The following MYLK variants were observed in gnomAD, a reference collection of about 807,000 sequenced individuals.
MYLK encodes myosin light chain kinase, smooth muscle.
A neutral mutation model predicts 203.4 loss-of-function variants in MYLK; 106 were observed. The observed-to-expected ratio is 0.52, with a 90% CI of 0.45 to 0.61. The LOEUF (loss-of-function observed/expected upper bound fraction) is 0.61, where lower values mean the gene tolerates loss of function less well. MYLK is among the 20% of genes least tolerant of loss of function. MYLK has a pLI of 0.00. For synonymous variants in MYLK, 867 were observed against 959.5 expected, an observed-to-expected ratio of 0.90 and a Z score of 1.78; for missense variants, 2,072 against 2,442.3, an observed-to-expected ratio of 0.85 and a Z score of 3.20.
intron 4 of MYLK, among the ~76,000 whole-genome samples, chr3:123,766,578 G>A (rs2063711302): frequency 6.6e-6 from 1 of 152,250 alleles, no homozygotes; most frequent in Non-Finnish European, 1.5e-5. Flanking sequence ...GGGAAAGGGT[G>A]AACCCAGTTT....
chr3:123,798,376 G>A (rs1484008458), intron 3 of MYLK, among the ~76,000 whole-genome samples: 1 of 152,132 alleles, frequency 6.6e-6, no homozygotes, highest in Non-Finnish European at 1.5e-5. Context: ...AGGAAGAGGG[G>A]CAGAGCATGT....
At chr3:123,836,628 C>G (rs2066480617) in intron 2 of MYLK, among the ~76,000 whole-genome samples, 2 of 152,124 alleles carry the variant, frequency 1.3e-5, no homozygotes, top group African/African-American at 4.8e-5. Flanking sequence ...CTTAGTGAAC[C>G]TCCTGTAGGA....
At chr3:123,697,606 A>G (rs2060984788) in intron 18 of MYLK, among the ~76,000 whole-genome samples, 2 of 152,182 alleles carry the variant, frequency 1.3e-5, no homozygotes, top group African/African-American at 4.8e-5. Context: ...AGCACCTTGC[A>G]TTTGGCAAGG....
intron 22 of MYLK, 64 bp from the exon 23 acceptor site, chr3:123,664,322 C>A (rs1053537292): frequency 3.7e-6 from 6 of 1,600,988 alleles, no homozygotes; most frequent in Admixed American, 3.3e-5. Flanking sequence ...AGGAAGGGGG[C>A]TCCTCCCCAT....
Position 123,612,867 on chromosome 3 carries a change from G to C in MYLK, c.*1238C>G, listed in dbSNP as rs1170756290. 1 of 152,552 alleles carries C rather than the reference G, an allele frequency of 6.6e-6. No homozygotes were observed. The highest frequency in any genetic ancestry group is 1.5e-5 in the Non-Finnish European group (1 of 68,032). The allele number at this position is 152,552 out of a possible 1,614,324, so 9.4% of individuals were successfully genotyped here. The stretch of plus-strand genomic sequence containing the variant: ...ACACACACACAGAGGAAATGTATTA[G>C]GTCTATCATCAATTATGGTCTTTGT... On this transcript the variant is annotated 3_prime_UTR_variant, in exon 34 of 34. Transcript: ENST00000360304.
intron 4 of MYLK, among the ~76,000 whole-genome samples, chr3:123,754,170 C>T (rs1409279937): frequency 2.6e-5 from 4 of 152,202 alleles, no homozygotes; most frequent in Non-Finnish European, 5.9e-5. Flanking sequence ...CACCCTTAGA[C>T]CAGAGTCTCT....
chr3:123,699,866 C>T (rs756871987), intron 18 of MYLK, among the ~76,000 whole-genome samples, 154 bp downstream of exon 18: 4 of 152,278 alleles, frequency 2.6e-5, no homozygotes, highest in East Asian at 1.9e-4. Flanking sequence ...AACAGGGACG[C>T]GGCCCTCCTA....
At chr3:123,855,974 G>A (rs983747332) in intron 2 of MYLK, among the ~76,000 whole-genome samples, 1 of 152,134 alleles carries the variant, frequency 6.6e-6, no homozygotes, top group African/African-American at 2.4e-5. Context: ...AACATTTCAG[G>A]TAGAAAGAGT....
intron 10 of MYLK, 25 bp downstream of exon 10, chr3:123,733,660 TCG>T (rs748750746): frequency 1.2e-6 from 2 of 1,612,764 alleles, no homozygotes; most frequent in Non-Finnish European, 1.7e-6. Flanking sequence ...ATTTTGGCAA[TCG>T]GTGACCCTAA....
intron 3 of MYLK, among the ~76,000 whole-genome samples, chr3:123,828,813 G>C (rs1020233786): frequency 6.6e-6 from 1 of 152,088 alleles, no homozygotes; most frequent in African/African-American, 2.4e-5. Flanking sequence ...TTTCTCAAAA[G>C]AAGAAATATA....
At chr3:123,750,429 A>G (rs1432743062) in intron 5 of MYLK, among the ~76,000 whole-genome samples, 2 of 152,110 alleles carry the variant, frequency 1.3e-5, no homozygotes, top group African/African-American at 4.8e-5. Context: ...TGGTCATGAC[A>G]TCAGATCTCA....
At chr3:123,750,425 T>C (rs2063157450) in intron 5 of MYLK, among the ~76,000 whole-genome samples, 1 of 152,156 alleles carries the variant, frequency 6.6e-6, no homozygotes, top group Non-Finnish European at 1.5e-5. Flanking sequence ...TGCTTGGTCA[T>C]GACATCAGAT....
At chr3:123,615,674 A>G (rs2057446645) in intron 33 of MYLK, among the ~76,000 whole-genome samples, 1 of 143,660 alleles carries the variant, frequency 7.0e-6, no homozygotes. Flanking sequence ...TTTGAGACAG[A>G]GTCTCACTAT....
chr3:123,692,415 G>A (rs2060713395), intron 19 of MYLK: 1 of 1,213,844 alleles, frequency 8.2e-7, no homozygotes, highest in Non-Finnish European at 1.0e-6. Context: ...TCATTTTCCT[G>A]TGGGTGTGTC....
chr3:123,617,094 C>T (rs999392904), intron 33 of MYLK: 3 of 152,192 alleles, frequency 2.0e-5, no homozygotes, highest in African/African-American at 4.8e-5. Context: ...ATAAAGTACC[C>T]TCCACTCCCA....
At chr3:123,785,057 C>A (rs1373670993) in intron 4 of MYLK, among the ~76,000 whole-genome samples, 2 of 152,244 alleles carry the variant, frequency 1.3e-5, no homozygotes, top group East Asian at 3.8e-4. Context: ...TTCTGCCCTA[C>A]ATCCACTCCT....
At chr3:123,869,851 G>A (rs559419774) in intron 2 of MYLK, among the ~76,000 whole-genome samples, 3 of 152,286 alleles carry the variant, frequency 2.0e-5, no homozygotes, top group African/African-American at 7.2e-5. Context: ...GTTAGCTCCA[G>A]GACCTTCCCA....
chr3:123,644,278 G>A (rs1281643214), intron 27 of MYLK, among the ~76,000 whole-genome samples: 2 of 152,128 alleles, frequency 1.3e-5, no homozygotes, highest in Non-Finnish European at 2.9e-5. Context: ...TAAGCTGGAA[G>A]GGATGTATAG....
intron 5 of MYLK, among the ~76,000 whole-genome samples, chr3:123,741,059 G>A (rs1231002740): frequency 6.6e-6 from 1 of 152,156 alleles, no homozygotes; most frequent in Non-Finnish European, 1.5e-5. Context: ...TTCTTTTGCC[G>A]CAAGCTGGGG....
Sources: gnomAD v4.1 joint callset for allele counts (sites outside exome capture counted in the v4.1 genomes callset) on GRCh38, gnomAD v4.1.1 for gene constraint, MANE v1.5 for transcripts, NCBI Gene and HGNC (gene_info 2026-07-23, HGNC 2026-07-21) for gene names.